PKLR: variants seen among roughly 807,000 people sequenced by gnomAD.
The protein encoded by PKLR is pyruvate kinase L/R.
In PKLR, 38 loss-of-function variants were observed where a neutral mutation model predicts 53.6. The ratio of observed to expected loss-of-function variants is 0.71; its 90% confidence interval spans 0.55 to 0.93. The LOEUF (loss-of-function observed/expected upper bound fraction) is 0.93. Ranked by LOEUF, PKLR falls within the 40% of genes least tolerant of loss-of-function variation. The pLI is 0.00. For synonymous variants in PKLR, 328 were observed against 316.2 expected (o/e 1.04, Z -0.39); for missense variants, 702 against 787.3 (o/e 0.89, Z 1.30).
rs765769952 is a variant in PKLR at position 155,293,630 on chromosome 1, C to G, written c.1117-40G>C. The G allele has an allele frequency of 8.7e-6, 14 of 1,610,068 alleles. No individual in the cohort carries two copies. In the Admixed American group the frequency reaches 2.2e-4, roughly 25 times the overall value. On this transcript the variant is annotated intron_variant, in intron 7 of 10. Transcript: ENST00000342741. This position sits in a 1 kb window ranked among gnomAD's most constrained non-coding sequence, Gnocchi z 4.2. ...GGATGTCAAAGTTGTAGGACTCACA[C>G]TGTGACTGGGGACCCTGCCCAAGCT...
At chr1:155,294,190 C>A in intron 7 of PKLR, 45 bp downstream of exon 7, 1 of 1,604,600 alleles carries the variant, frequency 6.2e-7, no homozygotes, top group South Asian at 1.1e-5. Context: ...CCACAGGTGT[C>A]CCTAAAACCC....
In PKLR at chr1:155,301,430, G is replaced by T; in HGVS notation, c.-35C>A. ...GTGGGCCTGGGGCTGCGGGACCATG[G>T]AATGAGAGGGAGAGGATGACAAAAC... On this transcript the variant is annotated 5_prime_UTR_variant, in exon 1 of 11. Coordinates refer to ENST00000342741, the MANE Select transcript of PKLR (RefSeq NM_000298.6). 1.2e-6 allele frequency: 2 copies of T among 1,613,968 alleles called. No homozygotes were observed. The highest frequency in any genetic ancestry group is 1.7e-6 in the Non-Finnish European group (2 of 1,179,958).
intron 10 of PKLR, among the ~76,000 whole-genome samples, chr1:155,290,938 G>C (rs1425842760): frequency 6.7e-6 from 1 of 149,216 alleles, no homozygotes; most frequent in Non-Finnish European, 1.5e-5. Context: ...GCAGTGAGCC[G>C]AGATCACACC....
chr1:155,292,000 T>G, intron 9 of PKLR, 63 bp from the exon 10 acceptor site: 2 of 1,513,058 alleles, frequency 1.3e-6, no homozygotes, highest in East Asian at 2.3e-5. Flanking sequence ...GAAAGGAGAA[T>G]CTTTGTTCCA....
upstream of PKLR, chr1:155,301,512 C>A (rs1166786930): frequency 4.4e-6 from 6 of 1,362,084 alleles, no homozygotes; most frequent in Non-Finnish European, 6.2e-6. Flanking sequence ...CAGTAGGCCA[C>A]CCTGTCCCCA....
chr1:155,291,524 T>A (rs945777180), intron 10 of PKLR, among the ~76,000 whole-genome samples: 6 of 149,824 alleles, frequency 4.0e-5, no homozygotes, highest in Admixed American at 3.3e-4. Flanking sequence ...GGAGTATCTG[T>A]GGGCTAGGGC....
chr1:155,305,304 G>A (rs74422316), upstream of PKLR, among the ~76,000 whole-genome samples: 1,828 of 152,274 alleles, frequency 0.012, 15 homozygotes, highest in Middle Eastern at 0.092. Flanking sequence ...GTCTTGTCAG[G>A]AGTGGAGCTG....
chr1:155,294,577 T>G lies in PKLR; in HGVS notation c.870A>C (p.Lys290Asn). The G allele has an allele frequency of 6.2e-7, 1 of 1,614,222 alleles. No homozygotes were observed. The highest frequency in any genetic ancestry group is 8.5e-7 in the Non-Finnish European group (1 of 1,180,038). The change falls in exon 6 of 11, where the codon AAA (lysine) becomes AAC (asparagine). Residue 290 changes from lysine to asparagine, a missense_variant. By Grantham distance (94) the Lys-to-Asn change is moderately conservative. Coordinates refer to ENST00000342741, the MANE Select transcript of PKLR (RefSeq NM_000298.6). ...VDIVFASFVR[K>N]ASDVAAVRAA... ...CCCTGACGGCAGCCACGTCGCTGGC[T>G]TTCCGCACAAAGGAGGCAAAGACGA...
chr1:155,300,756 G>A (rs1647946925), intron 1 of PKLR: 1 of 1,076,834 alleles, frequency 9.3e-7, no homozygotes, highest in African/African-American at 1.6e-5. Flanking sequence ...CCAACCCCTG[G>A]CTACTGGCTG....
intron 2 of PKLR, among the ~76,000 whole-genome samples, chr1:155,296,755 A>T (rs1647625065): frequency 6.6e-6 from 1 of 151,894 alleles, no homozygotes; most frequent in South Asian, 2.1e-4. Context: ...CAGTCCCAGT[A>T]TTTGCTCTCA....
At chr1:155,307,312 T>C in the PKLR span, among the ~76,000 whole-genome samples, 58 of 152,362 alleles carry the variant, frequency 3.8e-4, 1 homozygote, top group African/African-American at 1.3e-3. Flanking sequence ...TCTGTCCTTT[T>C]GAGTCTGGCT....
At chr1:155,291,679 G>T in intron 10 of PKLR, 77 bp downstream of exon 10, 1 of 1,308,116 alleles carries the variant, frequency 7.6e-7, no homozygotes, top group Non-Finnish European at 1.1e-6. Flanking sequence ...AAGGCCCTTT[G>T]AGTGGGTATG....
the PKLR span, among the ~76,000 whole-genome samples, chr1:155,306,934 G>A: frequency 3.9e-5 from 6 of 152,088 alleles, no homozygotes; most frequent in Admixed American, 6.6e-5. The surrounding 1 kb of genome is among the most constrained non-coding windows in gnomAD (Gnocchi z 4.2). Flanking sequence ...TTAAGGCCGC[G>A]CATCTGGAGT....
At chr1:155,301,444 G>A (rs897313533), upstream of PKLR, 2 of 1,613,646 alleles carry the variant, frequency 1.2e-6, no homozygotes, top group African/African-American at 1.3e-5. Context: ...GAGAGGGAGA[G>A]GATGACAAAA....
Position 155,293,092 on chromosome 1 carries a change from G to T in PKLR, c.1436+85C>A, listed in dbSNP as rs1449897439. On this transcript the variant is annotated intron_variant, in intron 9 of 10. Transcript: ENST00000342741. This position sits in a 1 kb window ranked among gnomAD's most constrained non-coding sequence, Gnocchi z 4.2. ...CAGGTGGACACTCTTCACCCCTGGT[G>T]ACCAGACTAAACCCAAGCCTGGGGC... 1 of 1,402,240 alleles carries T rather than the reference G, an allele frequency of 7.1e-7. No individual in the cohort carries two copies. The highest frequency in any genetic ancestry group is 1.2e-5 in the South Asian group (1 of 86,742). The allele number at this position is 1,402,240 out of a possible 1,614,324, so 86.9% of individuals were successfully genotyped here.
chr1:155,290,989 AAATAATAATAAT>A (rs201306934), intron 10 of PKLR, among the ~76,000 whole-genome samples: 8,804 of 134,036 alleles, frequency 0.066, 350 homozygotes, highest in East Asian at 0.1. Context: ...CTCCATCTCA[AAATAATAATAAT>A]AATAATAATA....
At position 155,295,217 on chromosome 1, in the gene PKLR, T is replaced by C. The variant is rs898938497; in HGVS notation, c.593A>G (p.Asn198Ser). Residue 198 changes from asparagine to serine, a missense_variant, in exon 5 of 11, where the codon AAC becomes AGC. Physicochemically the swap from Asn to Ser is conservative, Grantham distance 46 (BLOSUM62 1). Coordinates refer to ENST00000342741, the MANE Select transcript of PKLR (RefSeq NM_000298.6). This position sits in a 1 kb window ranked among gnomAD's most constrained non-coding sequence, Gnocchi z 4.3. ...DPAFRTRGNA[N>S]TVWVDYPNIV... ...ATTGGGGTAGTCCACCCACACGGTG[T>C]TCGCGTTCCCCCGCGTCCGGAACGC... The C allele has an allele frequency of 6.2e-7, 1 of 1,614,018 alleles. No homozygotes were observed. Among genetic ancestry groups the C allele is most frequent in the East Asian group, 2.2e-5 (1 of 44,864 alleles).
At chr1:155,296,994 ACT>A (rs1357215031) in intron 2 of PKLR, among the ~76,000 whole-genome samples, 2 of 152,084 alleles carry the variant, frequency 1.3e-5, no homozygotes, top group Non-Finnish European at 2.9e-5. Context: ...TCTTTGACAC[ACT>A]GTCTTCACCT....
chr1:155,294,421 G>A, intron 6 of PKLR, 36 bp from the exon 7 acceptor site: 1 of 1,614,220 alleles, frequency 6.2e-7, no homozygotes, highest in Non-Finnish European at 8.5e-7. Flanking sequence ...GAGGCAGGCA[G>A]GAGAAGAAAG....
Sources: gnomAD v4.1 joint callset for allele counts (sites outside exome capture counted in the v4.1 genomes callset) on GRCh38, gnomAD v4.1.1 for gene constraint, Gnocchi (gnomAD v3.1) non-coding constraint, MANE v1.5 for transcripts, NCBI Gene and HGNC (gene_info 2026-07-23, HGNC 2026-07-21) for gene names.